ZNF462: variants seen among roughly 807,000 people sequenced by gnomAD.
The protein encoded by ZNF462 is zinc finger protein 462.
ZNF462 carries 10 observed loss-of-function variants against 201.9 expected under a neutral mutation model. That is an observed-to-expected ratio of 0.05 (90% confidence interval 0.03 to 0.08). ZNF462 has a LOEUF of 0.08. ZNF462 is among the 10% of genes least tolerant of loss of function. ZNF462 has a pLI of 1.00. For missense variants in ZNF462, 2,523 were observed against 3,168.3 expected (o/e 0.80, Z 4.89); for synonymous variants, 1,227 against 1,193.3 (o/e 1.03, Z -0.58).
chr9:106,990,209 T>C (rs1828159829), intron 10 of ZNF462, among the ~76,000 whole-genome samples: 1 of 152,116 alleles, frequency 6.6e-6, no homozygotes, highest in Non-Finnish European at 1.5e-5. Flanking sequence ...TTATTTAATT[T>C]CCATGTATTT....
At chr9:106,964,860 A>T (rs998310937) in intron 7 of ZNF462, among the ~76,000 whole-genome samples, 19 of 152,080 alleles carry the variant, frequency 1.2e-4, no homozygotes, top group Non-Finnish European at 4.4e-5. Context: ...TCTTGTTAGC[A>T]TTAGGTCCAG....
chr9:106,994,024 T>G lies in ZNF462; in HGVS notation c.7057-9270T>G, dbSNP rs1158231832. On this transcript the variant is annotated intron_variant, in intron 10 of 12. Transcript: ENST00000277225. ...AGAAAGTTTATATGCAATACCTTGT[T>G]AGTGTTCTTTATGGTTCTGAACTCT... 2.0e-5 allele frequency among the ~76,000 whole-genome samples: 3 copies of G among 152,176 alleles called. No individual in the cohort carries two copies. In the South Asian group the frequency reaches 6.2e-4, roughly 31 times the overall value.
In ZNF462 at chr9:106,914,182, T is replaced by C. The variant is rs182454344; in HGVS notation, c.-30-9172T>C. Among the ~76,000 whole-genome samples, 44 of 150,946 alleles carry C rather than the reference T, an allele frequency of 2.9e-4. 2 individuals carry two copies. The highest frequency in any genetic ancestry group is 1.9e-4 in the East Asian group (1 of 5,172). On this transcript the variant is annotated intron_variant, in intron 1 of 12. Transcript: ENST00000277225. Reference sequence around the variant, plus strand: ...TTGGACCTGGGCTCTCCCAGGTTGTTGACCCTCTAAGGATCCAGAGACTCC... The same window carrying C: ...TTGGACCTGGGCTCTCCCAGGTTGTCGACCCTCTAAGGATCCAGAGACTCC...
chr9:106,900,204 G>A (rs552043545), intron 1 of ZNF462, among the ~76,000 whole-genome samples: 19 of 2,804 alleles, frequency 6.8e-3, no homozygotes, highest in African/African-American at 0.041. Flanking sequence ...GTATTCCATC[G>A]TGTGTGTGTG....
intron 1 of ZNF462, among the ~76,000 whole-genome samples, chr9:106,900,190 C>T (rs1165321704): frequency 6.9e-6 from 1 of 144,912 alleles, no homozygotes; most frequent in African/African-American, 2.6e-5. Context: ...TTTATGGCTG[C>T]ATAGTATTCC....
chr9:106,940,858 A>T (rs762128725), intron 7 of ZNF462, among the ~76,000 whole-genome samples: 3 of 152,042 alleles, frequency 2.0e-5, no homozygotes, highest in African/African-American at 7.3e-5. Context: ...GAAATCTTCT[A>T]TTCACCAGGA....
At chr9:106,983,792 G>T (rs986955439) in intron 9 of ZNF462, among the ~76,000 whole-genome samples, 75 of 152,302 alleles carry the variant, frequency 4.9e-4, no homozygotes, top group African/African-American at 1.7e-3. Flanking sequence ...TCCAGCCTCA[G>T]TTGCACTTGC....
At chr9:106,862,086 C>T (rs1237758567), upstream of ZNF462, among the ~76,000 whole-genome samples, 1 of 152,146 alleles carries the variant, frequency 6.6e-6, no homozygotes, top group Non-Finnish European at 1.5e-5. The surrounding 1 kb of genome is among the most constrained non-coding windows in gnomAD (Gnocchi z 4.2). Flanking sequence ...CCCCCACCTT[C>T]CATATCAGGA....
At chr9:106,893,011 A>G (rs1828656387) in intron 1 of ZNF462, among the ~76,000 whole-genome samples, 1 of 152,234 alleles carries the variant, frequency 6.6e-6, no homozygotes, top group Non-Finnish European at 1.5e-5. Flanking sequence ...TCTATATCTC[A>G]GAGCAAATTC....
chr9:106,930,205 G>T lies in ZNF462; in HGVS notation c.5848-320G>T, dbSNP rs750010067. Among the ~76,000 whole-genome samples the T allele has an allele frequency of 2.0e-5, 3 of 151,994 alleles. No individual in the cohort carries two copies. Among genetic ancestry groups the T allele is most frequent in the Non-Finnish European group, 2.9e-5 (2 of 68,010 alleles). ...TATTTTATCAAGAAGTTCATTAATG[G>T]CGCAACTATGCAACGTTTCACCTGC... is the stretch of plus-strand genomic sequence containing the variant. On this transcript the variant is annotated intron_variant, in intron 3 of 12. Transcript: ENST00000277225. The surrounding 1 kb of genome is among the most constrained non-coding windows in gnomAD (Gnocchi z 5.8).
In ZNF462 at chr9:106,938,686, A is replaced by G. The variant is rs1250472242; in HGVS notation, c.6236-230A>G. ...GCTTCACTCCTGTAAGCAGAGCCCA[A>G]AATGAAAAAGGACCAGTTCACTAGA... On this transcript the variant is annotated intron_variant, in intron 6 of 12. Coordinates refer to ENST00000277225, the MANE Select transcript of ZNF462 (RefSeq NM_021224.6). The surrounding 1 kb of genome is among the most constrained non-coding windows in gnomAD (Gnocchi z 4.4). Among the ~76,000 whole-genome samples, 7 of 152,198 alleles carry G rather than the reference A, an allele frequency of 4.6e-5. No individual in the cohort carries two copies. Among genetic ancestry groups the G allele is most frequent in the South Asian group, 2.1e-4 (1 of 4,824 alleles).
chr9:106,891,567 G>GTTA (rs1828579429), intron 1 of ZNF462, among the ~76,000 whole-genome samples: 1 of 152,140 alleles, frequency 6.6e-6, no homozygotes, highest in Admixed American at 6.5e-5. Flanking sequence ...CCAAGCCTAA[G>GTTA]AAAAGGACAT....
chr9:106,980,747 T>G (rs1292246188), intron 9 of ZNF462, among the ~76,000 whole-genome samples: 2 of 152,150 alleles, frequency 1.3e-5, no homozygotes, highest in Non-Finnish European at 1.5e-5. Flanking sequence ...GTTGAACTGG[T>G]GAAGTCATAA....
At chr9:106,891,919 G>C (rs1360683698) in intron 1 of ZNF462, among the ~76,000 whole-genome samples, 1 of 152,188 alleles carries the variant, frequency 6.6e-6, no homozygotes, top group Non-Finnish European at 1.5e-5. Flanking sequence ...CCTTGCTTTA[G>C]AGAGAGAAAT....
At chr9:107,000,775 T>C (rs1024281982) in intron 10 of ZNF462, among the ~76,000 whole-genome samples, 9 of 152,106 alleles carry the variant, frequency 5.9e-5, no homozygotes, top group Admixed American at 6.6e-5. Context: ...ATGATGGTGC[T>C]GGGAAAATGG....
chr9:107,010,592 T>A lies in ZNF462; in HGVS notation c.7314-231T>A, dbSNP rs1338079857. ...CAATATATAGTATAATAATGGATACTTCTGTAAGTTCAAATCTTTAAGATA... is the reference window on the plus strand; with the variant it reads ...CAATATATAGTATAATAATGGATACATCTGTAAGTTCAAATCTTTAAGATA... On this transcript the variant is annotated intron_variant, in intron 12 of 12. Coordinates refer to ENST00000277225, the MANE Select transcript of ZNF462 (RefSeq NM_021224.6). The surrounding 1 kb of genome is among the most constrained non-coding windows in gnomAD (Gnocchi z 4.6). Among the ~76,000 whole-genome samples the A allele has an allele frequency of 6.6e-6, 1 of 152,134 alleles. No homozygotes were observed. The highest frequency in any genetic ancestry group is 2.4e-5 in the African/African-American group (1 of 41,424).
intron 7 of ZNF462, among the ~76,000 whole-genome samples, chr9:106,964,591 A>T (rs1022980074): frequency 2.0e-5 from 3 of 152,054 alleles, no homozygotes; most frequent in African/African-American, 7.2e-5. Context: ...ACATTTGTGA[A>T]ACAGTCTTAG....
chr9:106,952,705 C>T (rs986324050), intron 7 of ZNF462, among the ~76,000 whole-genome samples: 19 of 152,294 alleles, frequency 1.2e-4, no homozygotes, highest in East Asian at 5.8e-4. Context: ...TGACATTAAT[C>T]GATGATCATT....
At chr9:106,906,474 T>C (rs1472856395) in intron 1 of ZNF462, among the ~76,000 whole-genome samples, 1 of 152,222 alleles carries the variant, frequency 6.6e-6, no homozygotes, top group Admixed American at 6.5e-5. Flanking sequence ...TGATTGAGAA[T>C]TGATGATATA....
Sources: gnomAD v4.1 joint callset for allele counts (sites outside exome capture counted in the v4.1 genomes callset) on GRCh38, gnomAD v4.1.1 for gene constraint, Gnocchi (gnomAD v3.1) non-coding constraint, MANE v1.5 for transcripts, NCBI Gene and HGNC (gene_info 2026-07-23, HGNC 2026-07-21) for gene names.